Variants in EIF2S2 observed in about 807,000 individuals in gnomAD.
The protein encoded by EIF2S2 is eukaryotic translation initiation factor 2 subunit 2.
Under a neutral mutation model 44.0 loss-of-function variants are expected in EIF2S2, and 4 were observed. The ratio of observed to expected loss-of-function variants is 0.09; its 90% CI spans 0.04 to 0.21. The LOEUF is 0.21. Ranked by LOEUF, EIF2S2 falls within the 10% of genes least tolerant of loss-of-function variation. EIF2S2 has a pLI of 1.00. For missense variants in EIF2S2, 154 were observed against 392.0 expected (o/e 0.39, Z 5.13); for synonymous variants, 108 against 128.3 (o/e 0.84, Z 1.07).
At position 34,112,231 on chromosome 20, in the gene EIF2S2, G is replaced by A. The variant is rs566586880; in HGVS notation, c.-121C>T. The A allele has an allele frequency of 1.8e-6, 2 of 1,123,272 alleles. No individual in the cohort carries two copies. The highest frequency in any genetic ancestry group is 3.5e-5 in the Admixed American group (1 of 28,942). 69.6% of individuals were successfully genotyped at this position (1,123,272 alleles called of 1,614,324 possible). On this transcript the variant is annotated 5_prime_UTR_variant, in exon 1 of 9. Transcript: ENST00000374980. ...CACCGCACTAGGCTCTTGCATCAGC[G>A]AAAGGAAACGACACCCCGCCCTCTC...
At chr20:34,104,645 T>C (rs1455797761) in intron 2 of EIF2S2, among the ~76,000 whole-genome samples, 1 of 152,246 alleles carries the variant, frequency 6.6e-6, no homozygotes. Context: ...TAATGAGTAA[T>C]AATAGGTTCT....
intron 3 of EIF2S2, among the ~76,000 whole-genome samples, chr20:34,099,292 G>C (rs1460506010): frequency 6.6e-6 from 1 of 151,952 alleles, no homozygotes; most frequent in Non-Finnish European, 1.5e-5. Context: ...AGGAAGCAGA[G>C]GTTGCAGTGA....
rs1415449096 is a variant in EIF2S2, at chr20:34,089,522, T to C, written c.*208A>G. 7.4e-6 allele frequency: 4 copies of C among 540,262 alleles called. No individual in the cohort carries two copies. The highest frequency in any genetic ancestry group is 2.0e-5 in the African/African-American group (1 of 51,182). The allele number at this position is 540,262 out of a possible 1,614,324, so 33.5% of individuals were successfully genotyped here. On this transcript the variant is annotated 3_prime_UTR_variant, in exon 9 of 9. Coordinates refer to ENST00000374980, the MANE Select transcript of EIF2S2 (RefSeq NM_003908.5). ...TAAAAAAGCACCTCCTTACCCCATATCACGTTTCTCTGACAGGTGTTAAAG... is the reference window on the plus strand; with the variant it reads ...TAAAAAAGCACCTCCTTACCCCATACCACGTTTCTCTGACAGGTGTTAAAG...
intron 1 of EIF2S2, among the ~76,000 whole-genome samples, chr20:34,107,897 C>T (rs2034367421): frequency 6.6e-6 from 1 of 152,172 alleles, no homozygotes; most frequent in Non-Finnish European, 1.5e-5. Context: ...GTCTGAAGAA[C>T]ATTATCTGGC....
intron 2 of EIF2S2, among the ~76,000 whole-genome samples, chr20:34,104,355 T>A (rs1396856589): frequency 6.6e-6 from 1 of 152,122 alleles, no homozygotes. Flanking sequence ...ACCAAAGCCT[T>A]CTCTAAGCTT....
chr20:34,111,922 G>A (rs2034417983), intron 1 of EIF2S2, among the ~76,000 whole-genome samples, 174 bp downstream of exon 1: 1 of 152,238 alleles, frequency 6.6e-6, no homozygotes, highest in African/African-American at 2.4e-5. Context: ...AGCGGGCTGC[G>A]GCCAAGCCTG....
At chr20:34,106,780 CTAATT>C (rs1436919479) in intron 1 of EIF2S2, among the ~76,000 whole-genome samples, 1 of 152,152 alleles carries the variant, frequency 6.6e-6, no homozygotes, top group Non-Finnish European at 1.5e-5. Context: ...AGGTGAAAAA[CTAATT>C]TATAATTTGT....
intron 1 of EIF2S2, among the ~76,000 whole-genome samples, chr20:34,109,056 G>A (rs1444543048): frequency 6.6e-6 from 1 of 151,958 alleles, no homozygotes; most frequent in Non-Finnish European, 1.5e-5. Context: ...TCAGCCTCCT[G>A]AGTAGCTGAG....
intron 3 of EIF2S2, among the ~76,000 whole-genome samples, chr20:34,100,803 A>C (rs2034286931): frequency 6.6e-6 from 1 of 152,048 alleles, no homozygotes; most frequent in Non-Finnish European, 1.5e-5. Context: ...GTAAAGCTTG[A>C]CCCCAAGATT....
chr20:34,101,323 A>C (rs539398485), intron 3 of EIF2S2, among the ~76,000 whole-genome samples: 4 of 152,286 alleles, frequency 2.6e-5, no homozygotes, highest in African/African-American at 9.6e-5. Context: ...GGTGCCTGTA[A>C]ACCCAGCTAT....
chr20:34,105,612 A>G, intron 1 of EIF2S2, 67 bp from the exon 2 acceptor site: 1 of 1,400,172 alleles, frequency 7.1e-7, no homozygotes, highest in Non-Finnish European at 9.5e-7. Context: ...CATTCCAAAT[A>G]TGCTTTATCC....
chr20:34,088,465 G>A lies in EIF2S2; in HGVS notation c.*1265C>T, dbSNP rs1164399691. ...CAGTTTCAGCCAGTGTGTGGGTTGA[G>A]GGCCCTCTACTGCTTTACCCATCAC... On this transcript the variant is annotated 3_prime_UTR_variant, in exon 9 of 9. Transcript: ENST00000374980. 6.6e-6 allele frequency: 1 copy of A among 152,660 alleles called. No individual in the cohort carries two copies. The highest frequency in any genetic ancestry group is 2.4e-5 in the African/African-American group (1 of 41,450). 9.5% of individuals were successfully genotyped at this position (152,660 alleles called of 1,614,324 possible). A position where few individuals can be genotyped will look rare whatever the true frequency, so the allele number is the denominator to read the frequency against.
intron 1 of EIF2S2, among the ~76,000 whole-genome samples, chr20:34,109,955 T>C (rs2034393455): frequency 6.6e-6 from 1 of 150,784 alleles, no homozygotes; most frequent in African/African-American, 2.4e-5. Flanking sequence ...AAAAATTAGC[T>C]GGGCATGGTG....
chr20:34,105,297 T>C (rs2034335861), intron 2 of EIF2S2, 71 bp downstream of exon 2: 10 of 1,547,770 alleles, frequency 6.5e-6, no homozygotes, highest in Non-Finnish European at 8.7e-6. Flanking sequence ...TCGCTGCATA[T>C]CCAAAAGCCA....
intron 3 of EIF2S2, among the ~76,000 whole-genome samples, chr20:34,101,141 T>C (rs2034290407): frequency 6.6e-6 from 1 of 152,190 alleles, no homozygotes; most frequent in Non-Finnish European, 1.5e-5. Context: ...GTGCCACATG[T>C]GGCTATCAAG....
intron 1 of EIF2S2, among the ~76,000 whole-genome samples, chr20:34,110,795 G>T (rs982205827): frequency 1.3e-5 from 2 of 152,184 alleles, no homozygotes; most frequent in African/African-American, 4.8e-5. Flanking sequence ...AAAATGAGTA[G>T]AAACAAAACA....
chr20:34,109,062 C>T (rs1355617147), intron 1 of EIF2S2, among the ~76,000 whole-genome samples: 1 of 152,040 alleles, frequency 6.6e-6, no homozygotes, highest in Non-Finnish European at 1.5e-5. Flanking sequence ...TCCTGAGTAG[C>T]TGAGATTACA....
intron 7 of EIF2S2, among the ~76,000 whole-genome samples, chr20:34,091,398 T>C (rs1241973856): frequency 1.3e-5 from 2 of 152,174 alleles, no homozygotes; most frequent in African/African-American, 2.4e-5. Flanking sequence ...GTTATACATA[T>C]TAAGTTTAAT....
intron 3 of EIF2S2, among the ~76,000 whole-genome samples, chr20:34,102,904 A>C (rs1172203504): frequency 6.6e-6 from 1 of 152,140 alleles, no homozygotes; most frequent in Admixed American, 6.5e-5. Context: ...CTCCCTGTCC[A>C]AAAGAATTTT....
Sources: allele counts gnomAD v4.1 joint callset (sites outside exome capture counted in the v4.1 genomes callset), GRCh38; gene constraint gnomAD v4.1.1; transcripts MANE v1.5; gene names NCBI Gene and HGNC (gene_info 2026-07-23, HGNC 2026-07-21).